Variants in GRID1 observed in about 807,000 individuals in gnomAD.
The protein encoded by GRID1 is glutamate receptor ionotropic, delta-1.
GRID1 carries 28 observed loss-of-function variants against 98.0 expected under a neutral mutation model. That is an observed-to-expected ratio of 0.29 (90% CI 0.21 to 0.39). The LOEUF is 0.39. Among genes scored for constraint, GRID1 ranks in the 10% least tolerant of loss-of-function variants. The pLI is 1.00. For missense variants in GRID1, 1,111 were observed against 1,340.5 expected, an observed-to-expected ratio of 0.83 and a Z score of 2.67; for synonymous variants, 553 against 538.5, an observed-to-expected ratio of 1.03 and a Z score of -0.37.
At chr10:86,189,371 C>T (rs1472456539) in intron 3 of GRID1, among the ~76,000 whole-genome samples, 1 of 152,040 alleles carries the variant, frequency 6.6e-6, no homozygotes, top group East Asian at 1.9e-4. Flanking sequence ...CCCCATGTGT[C>T]TTCTATGCTG....
chr10:86,001,422 G>T (rs1842801134), intron 4 of GRID1, among the ~76,000 whole-genome samples: 1 of 152,178 alleles, frequency 6.6e-6, no homozygotes, highest in Non-Finnish European at 1.5e-5. Flanking sequence ...ATAAGACATT[G>T]AAAGGGCAGA....
intron 8 of GRID1, among the ~76,000 whole-genome samples, chr10:85,842,525 TAATAAAG>T (rs1842970490): frequency 6.6e-6 from 1 of 151,656 alleles, no homozygotes; most frequent in Non-Finnish European, 1.5e-5. Flanking sequence ...ACAAAAATAA[TAATAAAG>T]AAAAGACAAA....
chr10:86,143,780 C>G (rs1424446371), intron 3 of GRID1, among the ~76,000 whole-genome samples: 2 of 152,246 alleles, frequency 1.3e-5, no homozygotes, highest in African/African-American at 4.8e-5. Context: ...CTGGACACTG[C>G]AGGGACAGGG....
Position 85,601,160 on chromosome 10 carries a change from C to T in GRID1, c.*1113G>A, listed in dbSNP as rs41313467. The T allele has an allele frequency of 0.038, 5,800 of 152,598 alleles. 203 individuals carry two copies. The highest frequency in any genetic ancestry group is 0.094 in the African/African-American group (3,902 of 41,522). 9.5% of individuals were successfully genotyped at this position (152,598 alleles called of 1,614,324 possible). A position where few individuals can be genotyped will look rare whatever the true frequency, so the allele number is the denominator to read the frequency against. On this transcript the variant is annotated 3_prime_UTR_variant, in exon 16 of 16. Coordinates refer to ENST00000327946, the MANE Select transcript of GRID1 (RefSeq NM_017551.3). ...TCTCTTTTCTCTATTTCTCAGCATG[C>T]CCCATCACCTGGAGTACTGGTCCAC...
intron 3 of GRID1, among the ~76,000 whole-genome samples, chr10:86,152,258 G>A (rs1024586357): frequency 1.3e-5 from 2 of 152,210 alleles, no homozygotes; most frequent in South Asian, 2.1e-4. Flanking sequence ...GTAGACCTGT[G>A]TGTGGTTCTG....
intron 4 of GRID1, among the ~76,000 whole-genome samples, chr10:86,107,911 C>T (rs1053130966): frequency 1.3e-5 from 2 of 152,170 alleles, no homozygotes; most frequent in African/African-American, 4.8e-5. Flanking sequence ...GAGAGCCACT[C>T]CCACTCAATA....
intron 5 of GRID1, among the ~76,000 whole-genome samples, chr10:85,900,034 A>G (rs1327001827): frequency 6.6e-6 from 1 of 152,198 alleles, no homozygotes; most frequent in East Asian, 1.9e-4. Flanking sequence ...GCAGTAGGAA[A>G]GAGAATGAAA....
chr10:86,345,581 G>T (rs1317192422), intron 2 of GRID1, among the ~76,000 whole-genome samples: 1 of 152,146 alleles, frequency 6.6e-6, no homozygotes, highest in Admixed American at 6.5e-5. Context: ...TCAGGGAGCG[G>T]CCCTGAATCC....
At chr10:85,978,809 A>G (rs962121796) in intron 4 of GRID1, among the ~76,000 whole-genome samples, 8 of 152,236 alleles carry the variant, frequency 5.3e-5, no homozygotes, top group Non-Finnish European at 1.0e-4. Flanking sequence ...ATCCAGGTGC[A>G]GGATGCAACC....
intron 2 of GRID1, among the ~76,000 whole-genome samples, chr10:86,312,592 T>C (rs920130140): frequency 2.0e-5 from 3 of 152,200 alleles, no homozygotes; most frequent in African/African-American, 7.2e-5. Context: ...GGAAGGAAGG[T>C]TCCGATCTTG....
chr10:85,776,164 G>T (rs1268501173), intron 8 of GRID1, among the ~76,000 whole-genome samples: 1 of 152,164 alleles, frequency 6.6e-6, no homozygotes, highest in Non-Finnish European at 1.5e-5. Flanking sequence ...TTGCCTGCTG[G>T]AGGAAATGGT....
intron 12 of GRID1, chr10:85,708,862 G>C (rs1161751425): frequency 6.0e-6 from 1 of 165,716 alleles, no homozygotes; most frequent in African/African-American, 2.4e-5. Context: ...AAACCCTCCA[G>C]ATTACAGGGA....
At chr10:86,345,302 T>A (rs1848366147) in intron 2 of GRID1, among the ~76,000 whole-genome samples, 1 of 152,148 alleles carries the variant, frequency 6.6e-6, no homozygotes, top group African/African-American at 2.4e-5. Flanking sequence ...GCAGCTTGGG[T>A]GGACAGGAAC....
intron 4 of GRID1, among the ~76,000 whole-genome samples, chr10:86,041,576 A>G (rs1437098327): frequency 1.3e-5 from 2 of 152,158 alleles, no homozygotes; most frequent in Non-Finnish European, 2.9e-5. Context: ...TATCCTGAGT[A>G]CAGGCTTGGG....
intron 8 of GRID1, among the ~76,000 whole-genome samples, chr10:85,805,184 T>G (rs1842612567): frequency 2.0e-5 from 3 of 151,532 alleles, no homozygotes; most frequent in African/African-American, 7.2e-5. Flanking sequence ...GTTCACAGGA[T>G]ACAAAAACCT....
rs535971055 is a variant in GRID1 at position 85,668,944 on chromosome 10, A to AG, written c.1998-21548dup. Among the ~76,000 whole-genome samples the AG allele has an allele frequency of 1.8e-3, 278 of 152,336 alleles. 1 individual carries two copies. Among genetic ancestry groups the AG allele is most frequent in the Middle Eastern group, 0.014 (4 of 294 alleles). ...GGGTCCAGATCACAGGAAGACAGAG[A>AG]GAAAAAAAGTGACCTGCAGGACACA... On this transcript the variant is annotated intron_variant, in intron 12 of 15. Transcript: ENST00000327946.
In GRID1 at chr10:85,843,704, C is replaced by T. The variant is rs78947301; in HGVS notation, c.1233+10792G>A. ...CATGCACATAAAAAACATTCAACAC[C>T]ACTGACCATCAGTGAAGTGCAAATT... On this transcript the variant is annotated intron_variant, in intron 8 of 15. Coordinates refer to ENST00000327946, the MANE Select transcript of GRID1 (RefSeq NM_017551.3). Among the ~76,000 whole-genome samples, 867 of 152,066 alleles carry T rather than the reference C, an allele frequency of 5.7e-3. 8 individuals carry two copies. Among genetic ancestry groups the T allele is most frequent in the African/African-American group, 0.02 (815 of 41,510 alleles).
intron 5 of GRID1, among the ~76,000 whole-genome samples, chr10:85,901,225 T>A (rs530700063): frequency 2.1e-5 from 3 of 144,778 alleles, no homozygotes; most frequent in East Asian, 3.9e-4. Context: ...TATTTTATTT[T>A]ATTTTATTTA....
intron 2 of GRID1, among the ~76,000 whole-genome samples, chr10:86,338,626 C>T (rs779510516): frequency 2.0e-5 from 3 of 152,162 alleles, no homozygotes; most frequent in Admixed American, 6.5e-5. Context: ...GGCGCAATCT[C>T]GGCTCAATGC....
Sources: gnomAD v4.1 joint callset for allele counts (sites outside exome capture counted in the v4.1 genomes callset) on GRCh38, gnomAD v4.1.1 for gene constraint, MANE v1.5 for transcripts, NCBI Gene and HGNC (gene_info 2026-07-23, HGNC 2026-07-21) for gene names.